The following PCDHGA9 variants were observed in gnomAD, a reference collection of about 807,000 sequenced individuals.
PCDHGA9 encodes protocadherin gamma subfamily A, 9, also known as protocadherin gamma-A9.
In PCDHGA9, 37 loss-of-function variants were observed where a neutral mutation model predicts 62.5. The observed-to-expected ratio is 0.59, with a 90% confidence interval of 0.46 to 0.78. PCDHGA9 has a LOEUF of 0.78. Ranked by LOEUF, PCDHGA9 falls within the 30% of genes least tolerant of loss-of-function variation. PCDHGA9 has a pLI of 0.00. For synonymous variants in PCDHGA9, 459 were observed against 484.6 expected (o/e 0.95, Z 0.69); for missense variants, 1,138 against 1,166.2 (o/e 0.98, Z 0.35).
chr5:141,469,372 C>T (rs780872014), intron 1 of PCDHGA9, among the ~76,000 whole-genome samples: 2 of 151,990 alleles, frequency 1.3e-5, no homozygotes, highest in African/African-American at 2.4e-5. Context: ...GTAAAGAGAT[C>T]GAGACCATCC....
At chr5:141,422,171 T>C (rs1204753893) in intron 1 of PCDHGA9, 4 of 1,564,922 alleles carry the variant, frequency 2.6e-6, no homozygotes, top group Non-Finnish European at 3.4e-6. Context: ...AAATATAGAT[T>C]CTATGAGATG....
chr5:141,409,700 G>GCGGTGT (rs1561722150), intron 1 of PCDHGA9: 2 of 1,613,280 alleles, frequency 1.2e-6, no homozygotes, highest in Admixed American at 3.3e-5. Flanking sequence ...AGAGCCCCTG[G>GCGGTGT]CGGTGTCGTC....
chr5:141,480,719 A>G (rs1455113968), intron 1 of PCDHGA9, among the ~76,000 whole-genome samples: 1 of 152,194 alleles, frequency 6.6e-6, no homozygotes, highest in Non-Finnish European at 1.5e-5. Flanking sequence ...ATGAAAGCAC[A>G]GTCTCTGGGG....
At chr5:141,417,532 T>C (rs2096129143) in intron 1 of PCDHGA9, 1 of 284,726 alleles carries the variant, frequency 3.5e-6, no homozygotes, top group African/African-American at 2.2e-5. Flanking sequence ...ACTCGTAGTT[T>C]AAAAAAAATT....
Position 141,477,128 on chromosome 5 carries a change from G to C in PCDHGA9, c.2425-17679G>C. On this transcript the variant is annotated intron_variant, in intron 1 of 3. Transcript: ENST00000573521. The surrounding 1 kb of genome is among the most constrained non-coding windows in gnomAD (Gnocchi z 4.9). ...CAATCCCGAAGGAGCACATTGCAAA[G>C]TGTTGGTGGAGGTTGTGGATGTGAA... 1.9e-6 allele frequency: 3 copies of C among 1,614,250 alleles called. No homozygotes were observed. The highest frequency in any genetic ancestry group is 2.5e-6 in the Non-Finnish European group (3 of 1,180,046).
intron 1 of PCDHGA9, among the ~76,000 whole-genome samples, chr5:141,484,544 A>G (rs1160398392): frequency 6.6e-6 from 1 of 152,144 alleles, no homozygotes; most frequent in Non-Finnish European, 1.5e-5. Flanking sequence ...CAGTGGTTCT[A>G]ATTAGCAGTT....
chr5:141,433,623 G>A (rs2097635547), intron 1 of PCDHGA9, among the ~76,000 whole-genome samples: 1 of 152,070 alleles, frequency 6.6e-6, no homozygotes, highest in African/African-American at 2.4e-5. Flanking sequence ...ATCACCTGAG[G>A]TTGGGAGTTT....
At chr5:141,418,000 G>T in intron 1 of PCDHGA9, 1 of 1,613,902 alleles carries the variant, frequency 6.2e-7, no homozygotes, top group Non-Finnish European at 8.5e-7. Context: ...GCTCGGTGGT[G>T]GGGAACCTCG....
In PCDHGA9 at chr5:141,487,694, AC is replaced by A. The variant is rs1296386169; in HGVS notation, c.2425-7112del. On this transcript the variant is annotated intron_variant, in intron 1 of 3. Coordinates refer to ENST00000573521, the MANE Select transcript of PCDHGA9 (RefSeq NM_018921.3). The surrounding 1 kb of genome is among the most constrained non-coding windows in gnomAD (Gnocchi z 5.0). ...ATGGCTAGGCCATGTCCTAGAGAGT[AC>A]TGGCCTCTCAGTAAGTGCCCATAGT... is the stretch of plus-strand genomic sequence containing the variant. The A allele has an allele frequency of 6.2e-7, 1 of 1,602,048 alleles. No individual in the cohort carries two copies. The highest frequency in any genetic ancestry group is 2.2e-5 in the East Asian group (1 of 44,642).
intron 1 of PCDHGA9, among the ~76,000 whole-genome samples, chr5:141,406,594 G>A (rs1463823326): frequency 1.3e-5 from 2 of 152,068 alleles, no homozygotes; most frequent in Non-Finnish European, 2.9e-5. Context: ...CCCTTTAATG[G>A]TGAAAGTTGT....
chr5:141,415,078 G>C, intron 1 of PCDHGA9: 1 of 1,613,494 alleles, frequency 6.2e-7, no homozygotes, highest in Non-Finnish European at 8.5e-7. Context: ...CACGGCGCGA[G>C]CCCTGCTGGA....
At chr5:141,505,336 G>T in intron 2 of PCDHGA9, 57 bp from the exon 3 acceptor site, 2 of 1,611,372 alleles carry the variant, frequency 1.2e-6, no homozygotes, top group Non-Finnish European at 1.7e-6. Context: ...GAGGACAGGA[G>T]GGGCATGAGC....
intron 1 of PCDHGA9, among the ~76,000 whole-genome samples, chr5:141,435,099 TA>T (rs892317840): frequency 2.0e-5 from 3 of 152,260 alleles, no homozygotes; most frequent in African/African-American, 7.2e-5. Context: ...TCTGTTTATC[TA>T]GGGGGGAGAA....
chr5:141,431,438 C>A lies in PCDHGA9; in HGVS notation c.2424+26062C>A, dbSNP rs773812765. 6.2e-7 allele frequency: 1 copy of A among 1,613,612 alleles called. No homozygotes were observed. The highest frequency in any genetic ancestry group is 1.7e-5 in the Admixed American group (1 of 60,004). ...CGACCCGGTGCGCACAGGCACCGCG[C>A]GCATCCGCGTGATGGTTCTGGATGC... On this transcript the variant is annotated intron_variant, in intron 1 of 3. Coordinates refer to ENST00000573521, the MANE Select transcript of PCDHGA9 (RefSeq NM_018921.3). This position sits in a 1 kb window ranked among gnomAD's most constrained non-coding sequence, Gnocchi z 4.8.
In PCDHGA9 at chr5:141,404,651, C is replaced by T; in HGVS notation, c.1699C>T (p.Leu567Phe). 2 of 1,614,184 alleles carry T rather than the reference C, an allele frequency of 1.2e-6. No individual in the cohort carries two copies. The highest frequency in any genetic ancestry group is 1.7e-6 in the Non-Finnish European group (2 of 1,180,034). ...TGCCCCAGAAATCCTGTACCCTGCC[C>T]TCCCCACTGATGGTTCTACTGGTGT... is the stretch of plus-strand genomic sequence containing the variant. ...DNAPEILYPA[L>F]PTDGSTGVEL... Residue 567 changes from leucine (L) to phenylalanine (F), a missense_variant, in exon 1 of 4, where the codon CTC becomes TTC. Physicochemically the swap from Leu to Phe is conservative, Grantham distance 22 (BLOSUM62 0). Transcript: ENST00000573521.
intron 1 of PCDHGA9, chr5:141,423,114 A>G: frequency 1.9e-6 from 3 of 1,613,848 alleles, no homozygotes; most frequent in Non-Finnish European, 1.7e-6. Context: ...AGGTGCGTAC[A>G]GCGCGGGCAC....
intron 1 of PCDHGA9, among the ~76,000 whole-genome samples, chr5:141,447,993 T>A (rs2098557542): frequency 6.6e-6 from 1 of 151,554 alleles, no homozygotes; most frequent in Non-Finnish European, 1.5e-5. Context: ...GGCTGAGGCA[T>A]GAGAATCGCT....
chr5:141,433,379 CTAT>C (rs2097594474), intron 1 of PCDHGA9, among the ~76,000 whole-genome samples: 1 of 151,230 alleles, frequency 6.6e-6, no homozygotes, highest in Non-Finnish European at 1.5e-5. Context: ...ATCTATCTAT[CTAT>C]CTATCTATCT....
At chr5:141,420,370 T>A in intron 1 of PCDHGA9, 1 of 1,352,032 alleles carries the variant, frequency 7.4e-7, no homozygotes, top group South Asian at 1.8e-5. Flanking sequence ...GATAACTTCT[T>A]CATAGAGTTC....
Sources: allele counts gnomAD v4.1 joint callset (sites outside exome capture counted in the v4.1 genomes callset), GRCh38; gene constraint gnomAD v4.1.1; non-coding constraint Gnocchi (gnomAD v3.1); transcripts MANE v1.5; gene names NCBI Gene and HGNC (gene_info 2026-07-23, HGNC 2026-07-21).